TRPC4: variants seen among roughly 807,000 people sequenced by gnomAD.
The protein encoded by TRPC4 is transient receptor potential cation channel subfamily C member 4.
TRPC4 carries 49 observed loss-of-function variants against 99.4 expected under a neutral mutation model. The ratio of observed to expected loss-of-function variants is 0.49; its 90% CI spans 0.39 to 0.63. The LOEUF (loss-of-function observed/expected upper bound fraction) is 0.63. Among genes scored for constraint, TRPC4 ranks in the 20% least tolerant of loss-of-function variants. The pLI, the probability that TRPC4 is intolerant of heterozygous loss-of-function variation, is 0.00. For synonymous variants in TRPC4, 454 were observed against 425.9 expected, an observed-to-expected ratio of 1.07 and a Z score of -0.81; for missense variants, 898 against 1,152.9, an observed-to-expected ratio of 0.78 and a Z score of 3.20.
intron 1 of TRPC4, among the ~76,000 whole-genome samples, chr13:37,815,042 A>C (rs1393440615): frequency 1.3e-5 from 2 of 151,666 alleles, no homozygotes; most frequent in African/African-American, 4.8e-5. Flanking sequence ...TGATCAGTTG[A>C]TTTTTTTTAC....
rs1951528707 is a variant in TRPC4 at position 37,636,714 on chromosome 13, G to C, written c.*189C>G. On this transcript the variant is annotated 3_prime_UTR_variant, in exon 11 of 11. Transcript: ENST00000379705. The stretch of plus-strand genomic sequence containing the variant: ...TGTAAGACAAATTGTGAAAGCAAAA[G>C]CAGGCTACAAAACAAAAAGGTTTTT... 3.3e-6 allele frequency: 2 copies of C among 615,350 alleles called. No individual in the cohort carries two copies. Among genetic ancestry groups the C allele is most frequent in the Admixed American group, 3.8e-5 (1 of 26,100 alleles). 38.1% of individuals were successfully genotyped at this position (615,350 alleles called of 1,614,324 possible). A position where few individuals can be genotyped will look rare whatever the true frequency, so the allele number is the denominator to read the frequency against.
At chr13:37,776,071 T>C (rs1956693591) in intron 2 of TRPC4, among the ~76,000 whole-genome samples, 1 of 151,846 alleles carries the variant, frequency 6.6e-6, no homozygotes, top group Admixed American at 6.6e-5. Context: ...ATCCATCTTT[T>C]AAGAATTCTT....
intron 8 of TRPC4, among the ~76,000 whole-genome samples, chr13:37,645,440 C>T (rs1160436815): frequency 1.3e-5 from 2 of 152,188 alleles, no homozygotes; most frequent in Non-Finnish European, 2.9e-5. Flanking sequence ...ATGTCACGCT[C>T]ATTTCATGTA....
intron 4 of TRPC4, 117 bp downstream of exon 4, chr13:37,691,882 T>G: frequency 1.0e-6 from 1 of 999,150 alleles, no homozygotes; most frequent in Non-Finnish European, 1.4e-6. Flanking sequence ...GGAGCTACAA[T>G]AGTCAGAACC....
At chr13:37,770,073 T>G (rs867567372) in intron 2 of TRPC4, among the ~76,000 whole-genome samples, 3 of 151,676 alleles carry the variant, frequency 2.0e-5, no homozygotes, top group Admixed American at 6.6e-5. Flanking sequence ...TATTTCCTTT[T>G]ATATAAAACA....
chr13:37,659,946 A>C (rs970193632), intron 6 of TRPC4, among the ~76,000 whole-genome samples: 1 of 152,180 alleles, frequency 6.6e-6, no homozygotes. Context: ...ATTGAATTTA[A>C]GTCTTCAGGA....
chr13:37,688,793 T>C (rs867660112), intron 4 of TRPC4, among the ~76,000 whole-genome samples: 1 of 151,772 alleles, frequency 6.6e-6, no homozygotes, highest in Non-Finnish European at 1.5e-5. Context: ...ATAAACAGAG[T>C]TCCAGTCTAC....
At chr13:37,637,724 T>C in intron 10 of TRPC4, 99 bp from the exon 11 acceptor site, 1 of 1,196,770 alleles carries the variant, frequency 8.4e-7, no homozygotes, top group South Asian at 1.6e-5. Flanking sequence ...TTCACTCCTT[T>C]TTAAAAACAA....
intron 5 of TRPC4, among the ~76,000 whole-genome samples, chr13:37,671,941 A>G (rs979981085): frequency 5.3e-5 from 8 of 152,214 alleles, no homozygotes; most frequent in Non-Finnish European, 7.3e-5. Flanking sequence ...TGAAGACTTC[A>G]CATTCCTTAG....
chr13:37,638,967 G>T (rs1593408147), intron 10 of TRPC4, 73 bp downstream of exon 10: 1 of 1,502,002 alleles, frequency 6.7e-7, no homozygotes, highest in South Asian at 1.1e-5. Flanking sequence ...TTCCAGCTCT[G>T]ATTTTAAATG....
intron 2 of TRPC4, among the ~76,000 whole-genome samples, chr13:37,758,179 A>G (rs1956141349): frequency 6.6e-6 from 1 of 151,938 alleles, no homozygotes; most frequent in South Asian, 2.1e-4. Context: ...TTGTTTGCTA[A>G]CAAAGTAAGA....
intron 3 of TRPC4, among the ~76,000 whole-genome samples, chr13:37,723,978 C>A (rs933383574): frequency 6.6e-6 from 1 of 152,028 alleles, no homozygotes; most frequent in Non-Finnish European, 1.5e-5. Context: ...TGCAAAGATT[C>A]TTTTACAAGA....
At chr13:37,787,984 G>A (rs1484097160) in intron 1 of TRPC4, among the ~76,000 whole-genome samples, 1 of 151,952 alleles carries the variant, frequency 6.6e-6, no homozygotes, top group East Asian at 1.9e-4. Flanking sequence ...GTATAGGCAG[G>A]GCAAACAATG....
intron 1 of TRPC4, among the ~76,000 whole-genome samples, chr13:37,822,890 G>T (rs1464420456): frequency 5.3e-5 from 8 of 150,502 alleles, no homozygotes; most frequent in East Asian, 2.0e-4. Flanking sequence ...CCCACCAACA[G>T]TGTAAAAGTG....
At chr13:37,704,523 C>T (rs1566109335) in intron 3 of TRPC4, among the ~76,000 whole-genome samples, 1 of 152,036 alleles carries the variant, frequency 6.6e-6, no homozygotes. Context: ...CCCATCTCTA[C>T]TAAAAATACA....
intron 7 of TRPC4, among the ~76,000 whole-genome samples, chr13:37,651,788 A>T (rs1404427407): frequency 6.6e-6 from 1 of 152,214 alleles, no homozygotes; most frequent in African/African-American, 2.4e-5. Flanking sequence ...ATGTTAGTGC[A>T]GTTTCATTTG....
chr13:37,750,945 T>C (rs1245053231), intron 2 of TRPC4, among the ~76,000 whole-genome samples: 1 of 152,104 alleles, frequency 6.6e-6, no homozygotes, highest in East Asian at 1.9e-4. Context: ...GTGCTGTCTT[T>C]ATCAGATTCT....
At chr13:37,727,612 C>A (rs1955105852) in intron 3 of TRPC4, among the ~76,000 whole-genome samples, 2 of 151,710 alleles carry the variant, frequency 1.3e-5, no homozygotes, top group South Asian at 2.1e-4. Context: ...TCAATGAGAC[C>A]AAAAAGCTGG....
intron 6 of TRPC4, among the ~76,000 whole-genome samples, chr13:37,658,835 G>A (rs556451667): frequency 3.9e-5 from 6 of 152,250 alleles, no homozygotes; most frequent in Non-Finnish European, 5.9e-5. Context: ...GAAACGGCAT[G>A]AAGATGCATA....
Sources: gnomAD v4.1 joint callset for allele counts (sites outside exome capture counted in the v4.1 genomes callset) on GRCh38, gnomAD v4.1.1 for gene constraint, MANE v1.5 for transcripts, NCBI Gene and HGNC (gene_info 2026-07-23, HGNC 2026-07-21) for gene names.